The following UNC79 variants were observed in gnomAD, a reference collection of about 807,000 sequenced individuals.
UNC79 encodes the protein protein unc-79 homolog.
UNC79 carries 37 observed loss-of-function variants against 283.1 expected under a neutral mutation model. The observed-to-expected ratio is 0.13, with a 90% CI of 0.10 to 0.17. The LOEUF is 0.17. UNC79 is among the 10% of genes least tolerant of loss of function. The pLI is 1.00. For missense variants in UNC79, 2,272 were observed against 3,211.1 expected, an observed-to-expected ratio of 0.71 and a Z score of 7.07; for synonymous variants, 1,107 against 1,200.2, an observed-to-expected ratio of 0.92 and a Z score of 1.61.
intron 44 of UNC79, chr14:93,689,254 T>G (rs985479162): frequency 3.0e-5 from 5 of 167,358 alleles, no homozygotes; most frequent in African/African-American, 1.2e-4. Context: ...TGGCTCTGCC[T>G]TTTAGGGAGG....
chr14:93,414,317 G>T (rs552613878), intron 1 of UNC79, among the ~76,000 whole-genome samples: 4 of 152,148 alleles, frequency 2.6e-5, no homozygotes, highest in African/African-American at 9.7e-5. Context: ...TCTCAGGTTT[G>T]TCAAAGATCA....
At chr14:93,496,349 A>G (rs1270220162) in intron 5 of UNC79, 62 bp from the exon 6 acceptor site, 2 of 1,129,976 alleles carry the variant, frequency 1.8e-6, no homozygotes, top group Non-Finnish European at 2.5e-6. Flanking sequence ...ATATATGTAT[A>G]TCAAAGGATG....
intron 25 of UNC79, among the ~76,000 whole-genome samples, chr14:93,602,156 C>G (rs1370260119): frequency 1.3e-5 from 2 of 152,072 alleles, no homozygotes; most frequent in African/African-American, 4.8e-5. Flanking sequence ...CTTTTGAGTA[C>G]TTGGTCATGA....
In UNC79 at chr14:93,690,229, A is replaced by G. The variant is rs1307973319; in HGVS notation, c.7198A>G (p.Ile2400Val). ...AAATGCCTCCTCTCCCTGCCTGCCCATTCCTCTGGATGCAGGCTCCCACGT... is the reference window on the plus strand; with the variant it reads ...AAATGCCTCCTCTCCCTGCCTGCCCGTTCCTCTGGATGCAGGCTCCCACGT... Residue 2400 changes from isoleucine to valine, a missense_variant, in exon 45 of 49, where the codon ATT becomes GTT. Coordinates refer to ENST00000555664, the Ensembl canonical transcript of UNC79. The surrounding 1 kb of genome is among the most constrained non-coding windows in gnomAD (Gnocchi z 4.3). 2 of 1,614,108 alleles carry G rather than the reference A, an allele frequency of 1.2e-6. No homozygotes were observed. Among genetic ancestry groups the G allele is most frequent in the South Asian group, 1.1e-5 (1 of 91,074 alleles).
intron 11 of UNC79, among the ~76,000 whole-genome samples, chr14:93,534,321 A>G (rs1323956572): frequency 6.6e-6 from 1 of 152,192 alleles, no homozygotes; most frequent in Non-Finnish European, 1.5e-5. Context: ...CAGCTGAGTA[A>G]CTTTCTCAAT....
chr14:93,644,127 ATTG>A (rs2069340339), intron 34 of UNC79, among the ~76,000 whole-genome samples: 1 of 152,196 alleles, frequency 6.6e-6, no homozygotes, highest in Admixed American at 6.5e-5. Flanking sequence ...AACTTGGGGC[ATTG>A]TTGTGTGAGG....
chr14:93,356,426 C>T lies in UNC79; in HGVS notation c.-351+22903C>T, dbSNP rs1411935462. 2.0e-5 allele frequency among the ~76,000 whole-genome samples: 3 copies of T among 152,204 alleles called. No individual in the cohort carries two copies. The East Asian group carries it at 5.8e-4, about 29-fold the overall frequency. ...CTGATTCCTCTCCCAACACAGATCC[C>T]TTTGTACTCTGGGCTCCAATCTCTG... On this transcript the variant is annotated intron_variant, in intron 1 of 49. Transcript: ENST00000256339.
chr14:93,468,541 A>G (rs977221666), intron 2 of UNC79, among the ~76,000 whole-genome samples: 9 of 152,274 alleles, frequency 5.9e-5, no homozygotes, highest in African/African-American at 2.2e-4. Context: ...TTGGCAACAC[A>G]TAAATTGGCT....
At chr14:93,635,462 A>G (rs1275734951) in intron 31 of UNC79, among the ~76,000 whole-genome samples, 1 of 152,246 alleles carries the variant, frequency 6.6e-6, no homozygotes, top group Non-Finnish European at 1.5e-5. Context: ...GGACTCTTTT[A>G]GTATCGTGAT....
intron 42 of UNC79, among the ~76,000 whole-genome samples, chr14:93,685,556 GAAGA>G (rs1382686158): frequency 6.6e-6 from 1 of 152,190 alleles, no homozygotes; most frequent in Non-Finnish European, 1.5e-5. Flanking sequence ...TAACATTCTA[GAAGA>G]GAGAGAAGGT....
chr14:93,486,235 G>C (rs1232467682), intron 4 of UNC79, among the ~76,000 whole-genome samples: 1 of 152,164 alleles, frequency 6.6e-6, no homozygotes, highest in Non-Finnish European at 1.5e-5. Context: ...ACAAGCCCAA[G>C]TGTAAGGCGA....
At position 93,688,869 on chromosome 14, in the gene UNC79, G is replaced by A. The variant is rs978141668; in HGVS notation, c.7085+29G>A. The A allele has an allele frequency of 7.5e-6, 12 of 1,603,774 alleles. No individual in the cohort carries two copies. The highest frequency in any genetic ancestry group is 8.5e-6 in the Non-Finnish European group (10 of 1,174,206). ...AGACCCTTACTATTCCGGGAATGAGGGTAAAGAAGGCAGGAGACACCCCTG... is the reference window on the plus strand; with the variant it reads ...AGACCCTTACTATTCCGGGAATGAGAGTAAAGAAGGCAGGAGACACCCCTG... On this transcript the variant is annotated intron_variant, in intron 44 of 48. Transcript: ENST00000555664. The surrounding 1 kb of genome is among the most constrained non-coding windows in gnomAD (Gnocchi z 4.0).
chr14:93,454,610 T>C (rs1199881003), intron 1 of UNC79, among the ~76,000 whole-genome samples: 1 of 152,194 alleles, frequency 6.6e-6, no homozygotes, highest in Non-Finnish European at 1.5e-5. Context: ...AATGTGGAAA[T>C]AATAGCAATA....
At chr14:93,336,610 G>C (rs562038933) in intron 1 of UNC79, among the ~76,000 whole-genome samples, 1 of 152,198 alleles carries the variant, frequency 6.6e-6, no homozygotes, top group South Asian at 2.1e-4. Context: ...CAAAGTGCTA[G>C]GATTACAGGC....
chr14:93,357,829 GGA>G, intron 1 of UNC79, among the ~76,000 whole-genome samples: 1 of 82,028 alleles, frequency 1.2e-5, no homozygotes, highest in South Asian at 3.8e-4. Context: ...ATGGATATAT[GGA>G]TATGTATATA....
At position 93,474,382 on chromosome 14, in the gene UNC79, A is replaced by G. The variant is rs1396240734; in HGVS notation, c.437A>G (p.His146Arg). 10 of 1,534,652 alleles carry G rather than the reference A, an allele frequency of 6.5e-6. No homozygotes were observed. The highest frequency in any genetic ancestry group is 1.4e-5 in the African/African-American group (1 of 72,990). The change falls in exon 3 of 49, where the codon CAC (histidine) becomes CGC (arginine). Residue 146 changes from histidine to arginine, a missense_variant. His to Arg is a conservative substitution (Grantham distance 29). Around this residue, in one of 11 missense-constraint regions of UNC79, gnomAD observed 194 missense variants for 268.9 expected, o/e 0.72. Coordinates refer to ENST00000555664, the Ensembl canonical transcript of UNC79. This position sits in a 1 kb window ranked among gnomAD's most constrained non-coding sequence, Gnocchi z 4.1. Reference sequence around the variant, plus strand: ...CTGGATCTAGTTCCTTTACTACAGCACGGCCAACACGGTGAGCACTTAGCT... The same window carrying G: ...CTGGATCTAGTTCCTTTACTACAGCGCGGCCAACACGGTGAGCACTTAGCT...
At chr14:93,642,592 G>A (rs183823766) in intron 33 of UNC79, among the ~76,000 whole-genome samples, 3 of 152,252 alleles carry the variant, frequency 2.0e-5, no homozygotes, top group Admixed American at 2.0e-4. Flanking sequence ...AGGTCATTGA[G>A]TTGCCCATGG....
At chr14:93,507,866 T>G (rs570162358) in intron 7 of UNC79, among the ~76,000 whole-genome samples, 2 of 152,314 alleles carry the variant, frequency 1.3e-5, no homozygotes, top group South Asian at 4.1e-4. Context: ...TAAGTTTAAT[T>G]TTTGTGTATG....
intron 1 of UNC79, among the ~76,000 whole-genome samples, chr14:93,386,755 A>G (rs985723307): frequency 1.3e-5 from 2 of 151,878 alleles, no homozygotes; most frequent in Admixed American, 6.6e-5. Flanking sequence ...TTCCTTTGGT[A>G]TTAGTTACAG....
Sources: gnomAD v4.1 joint callset for allele counts (sites outside exome capture counted in the v4.1 genomes callset) on GRCh38, gnomAD v4.1.1 for gene constraint, gnomAD v4.1.1 regional missense constraint, Gnocchi (gnomAD v3.1) non-coding constraint, MANE v1.5 for transcripts, NCBI Gene and HGNC (gene_info 2026-07-23, HGNC 2026-07-21) for gene names.